PHEX: variants seen among roughly 807,000 people sequenced by gnomAD.
PHEX encodes phosphate regulating endopeptidase X-linked.
PHEX carries 16 observed loss-of-function variants against 68.0 expected under a neutral mutation model. The observed-to-expected ratio is 0.24, with a 90% CI of 0.16 to 0.36. The LOEUF (loss-of-function observed/expected upper bound fraction) is 0.36, where lower values mean the gene tolerates loss of function less well. Ranked by LOEUF, PHEX falls within the 10% of genes least tolerant of loss-of-function variation. PHEX has a pLI of 1.00. For synonymous variants in PHEX, 208 were observed against 205.1 expected, an observed-to-expected ratio of 1.01 and a Z score of -0.12; for missense variants, 480 against 575.5, an observed-to-expected ratio of 0.83 and a Z score of 1.70.
In PHEX at chrX:22,227,593, C is replaced by G. The variant is rs373674171; in HGVS notation, c.2052C>G (p.Phe684Leu). ...TCACATTCACCAACAACCAGCTCTT[C>G]TTCCTGAGTTATGCTCATGTGAGTA... is the stretch of plus-strand genomic sequence containing the variant. ...PGITFTNNQL[F>L]FLSYAHVRCN... is the part of the protein sequence containing the mutation. The change falls in exon 20 of 22, where the codon TTC becomes TTG. Residue 684 changes from phenylalanine to leucine, a missense_variant. Transcript: ENST00000379374. 2.5e-6 allele frequency: 3 copies of G among 1,197,194 alleles called. No homozygotes were observed. Among genetic ancestry groups the G allele is most frequent in the African/African-American group, 1.8e-5 (1 of 56,934 alleles).
chrX:22,224,118 G>A (rs1417635004), intron 18 of PHEX, among the ~76,000 whole-genome samples: 1 of 111,433 alleles, frequency 9.0e-6, no homozygotes, highest in African/African-American at 3.3e-5. Flanking sequence ...CAGTAGCTGC[G>A]ATTACAGGTG....
intron 12 of PHEX, among the ~76,000 whole-genome samples, chrX:22,165,769 A>C: frequency 8.9e-6 from 1 of 112,066 alleles, no homozygotes; most frequent in Non-Finnish European, 1.9e-5. Flanking sequence ...AATCTGGAGA[A>C]GGGAGAGAGA....
intron 20 of PHEX, among the ~76,000 whole-genome samples, chrX:22,241,471 C>T (rs770477989): frequency 4.5e-5 from 5 of 111,236 alleles, no homozygotes; most frequent in African/African-American, 1.3e-4. Flanking sequence ...CCCTTCAAAA[C>T]ATCAATGGAT....
intron 10 of PHEX, among the ~76,000 whole-genome samples, chrX:22,112,466 G>A (rs1369340737): frequency 8.9e-6 from 1 of 112,123 alleles, no homozygotes; most frequent in Non-Finnish European, 1.9e-5. Context: ...AGTGAATGGT[G>A]AATCTTATAA....
intron 16 of PHEX, among the ~76,000 whole-genome samples, chrX:22,214,067 G>A (rs1935012218): frequency 8.9e-6 from 1 of 112,244 alleles, no homozygotes; most frequent in Admixed American, 9.4e-5. Context: ...AAACTTATAA[G>A]CTTATAGTTC....
At chrX:22,098,265 G>T (rs970632562) in intron 8 of PHEX, among the ~76,000 whole-genome samples, 1 of 107,768 alleles carries the variant, frequency 9.3e-6, no homozygotes, top group Admixed American at 1.0e-4. Context: ...GAGAAATGCA[G>T]GAGAGAAGGA....
intron 7 of PHEX, among the ~76,000 whole-genome samples, chrX:22,095,137 C>G (rs776739251): frequency 1.8e-5 from 2 of 111,210 alleles, no homozygotes; most frequent in South Asian, 3.8e-4. Flanking sequence ...AGGAATTGGT[C>G]TCTCTCTCTT....
intron 3 of PHEX, among the ~76,000 whole-genome samples, chrX:22,061,507 G>T (rs1044845107): frequency 3.6e-5 from 4 of 111,680 alleles, no homozygotes; most frequent in Admixed American, 9.6e-5. Context: ...GATTAAAAAA[G>T]TTGTAAGAAT....
At chrX:22,174,113 T>C (rs1000257107) in intron 13 of PHEX, among the ~76,000 whole-genome samples, 6 of 111,853 alleles carry the variant, frequency 5.4e-5, no homozygotes, top group African/African-American at 1.9e-4. Context: ...TCCTGAATTT[T>C]ATGATCGGGA....
At chrX:22,241,151 C>G (rs1295551498) in intron 20 of PHEX, among the ~76,000 whole-genome samples, 1 of 112,047 alleles carries the variant, frequency 8.9e-6, no homozygotes, top group Non-Finnish European at 1.9e-5. Flanking sequence ...TACATGGAAA[C>G]TGAACAACCT....
intron 9 of PHEX, among the ~76,000 whole-genome samples, chrX:22,103,807 C>T (rs59752746): frequency 0.041 from 4,645 of 112,022 alleles, 238 homozygotes; most frequent in African/African-American, 0.14. Context: ...ACTTCTTTTC[C>T]TCTGGGTAGA....
intron 11 of PHEX, among the ~76,000 whole-genome samples, chrX:22,126,246 C>A (rs189870550): frequency 2.5e-4 from 28 of 111,737 alleles, no homozygotes; most frequent in Admixed American, 2.4e-3. Flanking sequence ...TTAGGGAGAC[C>A]AAATAAATAT....
At chrX:22,160,920 G>A (rs1055643681) in intron 12 of PHEX, among the ~76,000 whole-genome samples, 1 of 110,555 alleles carries the variant, frequency 9.0e-6, no homozygotes, top group African/African-American at 3.3e-5. Context: ...TATCATTTGA[G>A]GTCAGGAGTT....
intron 11 of PHEX, among the ~76,000 whole-genome samples, chrX:22,120,150 T>C (rs1931426995): frequency 8.9e-6 from 1 of 112,029 alleles, no homozygotes; most frequent in African/African-American, 3.2e-5. Flanking sequence ...GTGCTTTCAG[T>C]GTGTGAACTC....
chrX:22,232,097 C>A (rs1003498786), intron 20 of PHEX, among the ~76,000 whole-genome samples: 4 of 111,925 alleles, frequency 3.6e-5, no homozygotes, highest in African/African-American at 6.5e-5. Flanking sequence ...GTTTCTTAAT[C>A]CTGAGTTCTA....
chrX:22,209,726 GCTCCCTCTGCTCCCTCTGCTCCCTCTC>G (rs1298355183), intron 15 of PHEX, among the ~76,000 whole-genome samples: 14 of 40,922 alleles, frequency 3.4e-4, no homozygotes, highest in Admixed American at 6.1e-4. Flanking sequence ...TGCTCCCTCT[GCTCCCTCTGCTCCCTCTGCTCCCTCTC>G]CTCCCTCTCC....
At chrX:22,104,509 A>G (rs1449415352) in intron 9 of PHEX, among the ~76,000 whole-genome samples, 1 of 111,775 alleles carries the variant, frequency 8.9e-6, no homozygotes, top group African/African-American at 3.3e-5. Context: ...CTTCCTAACT[A>G]CATGTTCGGT....
chrX:22,122,368 C>T (rs1931523795), intron 11 of PHEX, among the ~76,000 whole-genome samples: 1 of 111,263 alleles, frequency 9.0e-6, no homozygotes, highest in African/African-American at 3.3e-5. Flanking sequence ...AGAAACTTTG[C>T]TGAAGACCTG....
intron 17 of PHEX, among the ~76,000 whole-genome samples, chrX:22,220,062 T>C (rs913253740): frequency 1.8e-5 from 2 of 112,261 alleles, no homozygotes; most frequent in African/African-American, 6.5e-5. Flanking sequence ...CTCATCATCA[T>C]TAATCAGCAC....
Sources: allele counts gnomAD v4.1 joint callset (sites outside exome capture counted in the v4.1 genomes callset), GRCh38; gene constraint gnomAD v4.1.1; transcripts MANE v1.5; gene names NCBI Gene and HGNC (gene_info 2026-07-23, HGNC 2026-07-21).